Variants in PTDSS1 observed in about 807,000 individuals in gnomAD.
PTDSS1 encodes phosphatidylserine synthase 1.
A neutral mutation model predicts 70.5 loss-of-function variants in PTDSS1; 45 were observed. That is an observed-to-expected ratio of 0.64 (90% CI 0.50 to 0.82). The LOEUF (loss-of-function observed/expected upper bound fraction) is 0.82. Ranked by LOEUF, PTDSS1 falls within the 40% of genes least tolerant of loss-of-function variation. PTDSS1 has a pLI of 0.00. For missense variants in PTDSS1, 417 were observed against 586.1 expected (o/e 0.71, Z 2.98); for synonymous variants, 188 against 203.8 (o/e 0.92, Z 0.66).
intron 1 of PTDSS1, among the ~76,000 whole-genome samples, chr8:96,270,695 C>T (rs2129998437): frequency 6.6e-6 from 1 of 152,314 alleles, no homozygotes; most frequent in South Asian, 2.1e-4. Context: ...TGCATATTTT[C>T]AGTTTATCCA....
chr8:96,273,123 C>T lies in PTDSS1; in HGVS notation c.180-176C>T, dbSNP rs1315587737. On this transcript the variant is annotated intron_variant, in intron 1 of 12. Coordinates refer to ENST00000517309, the MANE Select transcript of PTDSS1 (RefSeq NM_014754.3). ...TTAGTTTGTTAGTGCCGTTTGGACACATAATGATCTAAGAATTATTGTATG... is the reference window on the plus strand; with the variant it reads ...TTAGTTTGTTAGTGCCGTTTGGACATATAATGATCTAAGAATTATTGTATG... Among the ~76,000 whole-genome samples the T allele has an allele frequency of 3.3e-5, 5 of 152,316 alleles. No homozygotes were observed. In the East Asian group the frequency reaches 9.6e-4, roughly 29 times the overall value.
Position 96,334,202 on chromosome 8 carries a change from T to G in PTDSS1, c.*636T>G. The G allele has an allele frequency of 5.7e-6, 1 of 176,476 alleles. No individual in the cohort carries two copies. Among genetic ancestry groups the G allele is most frequent in the Non-Finnish European group, 1.2e-5 (1 of 83,890 alleles). The allele number at this position is 176,476 out of a possible 1,614,324, so 10.9% of individuals were successfully genotyped here. A position where few individuals can be genotyped will look rare whatever the true frequency, so the allele number is the denominator to read the frequency against. On this transcript the variant is annotated 3_prime_UTR_variant, in exon 13 of 13. Coordinates refer to ENST00000517309, the MANE Select transcript of PTDSS1 (RefSeq NM_014754.3). ...AACCTCAGTCTCCTGTAAGACCTCC[T>G]ACCACATGGCGAGTATACACCAATC... is the stretch of plus-strand genomic sequence containing the variant.
intron 9 of PTDSS1, among the ~76,000 whole-genome samples, chr8:96,311,036 G>C (rs143629696): frequency 1.5e-4 from 23 of 152,282 alleles, no homozygotes; most frequent in African/African-American, 5.5e-4. Context: ...AAAGTGCTGG[G>C]ATTACAGGCT....
chr8:96,309,713 T>C, intron 9 of PTDSS1, 91 bp downstream of exon 9: 1 of 1,286,156 alleles, frequency 7.8e-7, no homozygotes. Context: ...AGCCTTTCAG[T>C]ATAATTTTTC....
intron 12 of PTDSS1, among the ~76,000 whole-genome samples, chr8:96,331,917 G>A (rs1234579575): frequency 6.6e-6 from 1 of 151,682 alleles, no homozygotes; most frequent in Admixed American, 6.6e-5. Context: ...AGATGTGGTG[G>A]CACATGCCTG....
Position 96,262,053 on chromosome 8 carries a change from G to C in PTDSS1, c.13G>C (p.Val5Leu). Residue 5 changes from valine (V) to leucine (L), a missense_variant, in exon 1 of 13, where the codon GTG becomes CTG. This residue lies in a region of PTDSS1 where 38 missense variants were observed against 34.3 expected (regional missense o/e 1.11). Coordinates refer to ENST00000517309, the MANE Select transcript of PTDSS1 (RefSeq NM_014754.3). This position sits in a 1 kb window ranked among gnomAD's most constrained non-coding sequence, Gnocchi z 4.4. ...GGGGAGGCGGGCCATGGCGTCCTGC[G>C]TGGGGAGCCGGACCCTAAGCAAGGA... MASC[V>L]GSRTLSKDDV... 6.2e-7 allele frequency: 1 copy of C among 1,612,956 alleles called. No individual in the cohort carries two copies. The highest frequency in any genetic ancestry group is 8.5e-7 in the Non-Finnish European group (1 of 1,179,404).
At chr8:96,312,477 TA>T (rs1234075860) in intron 9 of PTDSS1, among the ~76,000 whole-genome samples, 48 of 137,898 alleles carry the variant, frequency 3.5e-4, no homozygotes, top group African/African-American at 7.1e-4. Context: ...TTTTTTTTTT[TA>T]AAAAAAAAAG....
Position 96,261,922 on chromosome 8 carries a change from C to A in PTDSS1, c.-119C>A. On this transcript the variant is annotated 5_prime_UTR_variant, in exon 1 of 13. The change creates a new upstream start codon in the 5' untranslated region. Transcript: ENST00000517309. ...TCCTTCCCTCTGCTCCCAGCCTTTG[C>A]TGGGCGCCAGACCCGGCTTTGCCGT... The A allele has an allele frequency of 9.0e-7, 1 of 1,105,190 alleles. No individual in the cohort carries two copies. Among genetic ancestry groups the A allele is most frequent in the Non-Finnish European group, 1.3e-6 (1 of 790,866 alleles). The allele number at this position is 1,105,190 out of a possible 1,614,324, so 68.5% of individuals were successfully genotyped here.
At position 96,330,501 on chromosome 8, in the gene PTDSS1, C is replaced by T. The variant is rs191471714; in HGVS notation, c.1242+220C>T. 6 of 529,980 alleles carry T rather than the reference C, an allele frequency of 1.1e-5. No homozygotes were observed. In the East Asian group the frequency reaches 1.5e-4, roughly 14 times the overall value. 32.8% of individuals were successfully genotyped at this position (529,980 alleles called of 1,614,324 possible). On this transcript the variant is annotated intron_variant, in intron 11 of 12. Transcript: ENST00000517309. The stretch of plus-strand genomic sequence containing the variant: ...TCAGTAGACCAATATTTTTGTCTAA[C>T]TTTTGTTAGATAAAAAAAGTTATGT...
intron 12 of PTDSS1, among the ~76,000 whole-genome samples, chr8:96,331,681 G>A (rs1367299317): frequency 6.6e-6 from 1 of 152,082 alleles, no homozygotes. Context: ...TCTGCCCTTC[G>A]TGAGGGCCCC....
chr8:96,286,011 C>A (rs562126095), intron 3 of PTDSS1, among the ~76,000 whole-genome samples: 1 of 152,124 alleles, frequency 6.6e-6, no homozygotes, highest in Non-Finnish European at 1.5e-5. Flanking sequence ...ACATACCACC[C>A]GGGCCTCCCT....
At chr8:96,285,830 G>A (rs936731746) in intron 3 of PTDSS1, among the ~76,000 whole-genome samples, 1 of 152,160 alleles carries the variant, frequency 6.6e-6, no homozygotes, top group Non-Finnish European at 1.5e-5. Flanking sequence ...CTGTCCTAAT[G>A]TAATTATTCA....
In PTDSS1 at chr8:96,334,922, T is replaced by C. The variant is rs1442312451; in HGVS notation, c.*1356T>C. The C allele has an allele frequency of 6.6e-6, 1 of 152,230 alleles. No homozygotes were observed. The highest frequency in any genetic ancestry group is 6.5e-5 in the Admixed American group (1 of 15,286). 9.4% of individuals were successfully genotyped at this position (152,230 alleles called of 1,614,324 possible). A position where few individuals can be genotyped will look rare whatever the true frequency, so the allele number is the denominator to read the frequency against. On this transcript the variant is annotated 3_prime_UTR_variant, in exon 13 of 13. Coordinates refer to ENST00000517309, the MANE Select transcript of PTDSS1 (RefSeq NM_014754.3). ...GCACAAAGGTTCGTTCTGATGTTTC[T>C]TCTTCTTTAAGGAAATCTTTAGCCA...
At chr8:96,330,965 C>T in intron 11 of PTDSS1, 61 bp from the exon 12 acceptor site, 1 of 1,460,420 alleles carries the variant, frequency 6.8e-7, no homozygotes. Context: ...CGCCTTTTTG[C>T]CCTGCCACTT....
intron 4 of PTDSS1, 38 bp downstream of exon 4, chr8:96,287,184 G>A: frequency 1.2e-6 from 2 of 1,609,388 alleles, no homozygotes; most frequent in Non-Finnish European, 1.7e-6. Context: ...GAAACTCGTA[G>A]ACTCTTTCTT....
chr8:96,293,152 A>G (rs1810930811), intron 4 of PTDSS1, among the ~76,000 whole-genome samples: 1 of 152,244 alleles, frequency 6.6e-6, no homozygotes, highest in Non-Finnish European at 1.5e-5. Flanking sequence ...TGTAGTCGTA[A>G]GCTAGATGTG....
At chr8:96,300,956 C>T (rs1173330473) in intron 6 of PTDSS1, among the ~76,000 whole-genome samples, 1 of 152,032 alleles carries the variant, frequency 6.6e-6, no homozygotes. Context: ...TTCACTATTT[C>T]CTTGAACTTC....
In PTDSS1 at chr8:96,310,406, A is replaced by AC. The variant is rs1811193040; in HGVS notation, c.1073+789dup. Among the ~76,000 whole-genome samples, 6 of 146,666 alleles carry AC rather than the reference A, an allele frequency of 4.1e-5. No individual in the cohort carries two copies. In the South Asian group the frequency reaches 1.3e-3, roughly 32 times the overall value. The stretch of plus-strand genomic sequence containing the variant: ...TTTCTAACTCTGACCTCATGATCTG[A>AC]CCCCCTTGGCCTCCCAAAGTGCTGG... On this transcript the variant is annotated intron_variant, in intron 9 of 12. Coordinates refer to ENST00000517309, the MANE Select transcript of PTDSS1 (RefSeq NM_014754.3).
intron 6 of PTDSS1, among the ~76,000 whole-genome samples, chr8:96,302,982 C>T (rs1357650100): frequency 2.6e-5 from 4 of 152,132 alleles, no homozygotes; most frequent in Non-Finnish European, 4.4e-5. Context: ...CAAGTTCCCA[C>T]GACATAAACC....
Sources: allele counts gnomAD v4.1 joint callset (sites outside exome capture counted in the v4.1 genomes callset), GRCh38; gene constraint gnomAD v4.1.1; regional missense constraint gnomAD v4.1.1; non-coding constraint Gnocchi (gnomAD v3.1); transcripts MANE v1.5; gene names NCBI Gene and HGNC (gene_info 2026-07-23, HGNC 2026-07-21).